CACNA2D3: variants seen among roughly 807,000 people sequenced by gnomAD.
The protein encoded by CACNA2D3 is voltage-dependent calcium channel subunit alpha-2/delta-3.
A neutral mutation model predicts 160.6 loss-of-function variants in CACNA2D3; 60 were observed. That is an observed-to-expected ratio of 0.37 (90% confidence interval 0.30 to 0.46). The LOEUF is 0.46. CACNA2D3 is among the 20% of genes least tolerant of loss of function. CACNA2D3 has a pLI of 1.00. For missense variants in CACNA2D3, 1,205 were observed against 1,365.0 expected (o/e 0.88, Z 1.85); for synonymous variants, 558 against 492.9 (o/e 1.13, Z -1.75).
chr3:54,416,351 C>T (rs1254023109), intron 4 of CACNA2D3, among the ~76,000 whole-genome samples: 2 of 152,082 alleles, frequency 1.3e-5, no homozygotes, highest in African/African-American at 2.4e-5. Flanking sequence ...ATTTTTGGAG[C>T]CCCCAATAGG....
At chr3:54,138,130 G>T (rs1699852990) in intron 2 of CACNA2D3, among the ~76,000 whole-genome samples, 1 of 152,226 alleles carries the variant, frequency 6.6e-6, no homozygotes, top group African/African-American at 2.4e-5. Flanking sequence ...GATGTGACTT[G>T]CCCAGGGCAA....
intron 17 of CACNA2D3, among the ~76,000 whole-genome samples, chr3:54,870,115 A>G (rs1481925249): frequency 1.3e-5 from 2 of 152,134 alleles, no homozygotes; most frequent in Non-Finnish European, 2.9e-5. Context: ...AATGCAGTTG[A>G]CAGGTAAGAA....
intron 13 of CACNA2D3, among the ~76,000 whole-genome samples, chr3:54,780,540 C>A (rs1228194872): frequency 1.3e-5 from 2 of 152,154 alleles, no homozygotes; most frequent in African/African-American, 2.4e-5. Context: ...TTTAGGTGAA[C>A]TCCAGAGAAA....
intron 35 of CACNA2D3, among the ~76,000 whole-genome samples, chr3:55,071,899 C>A (rs1176709319): frequency 6.6e-6 from 1 of 152,162 alleles, no homozygotes; most frequent in Non-Finnish European, 1.5e-5. Context: ...CTTTGAGACT[C>A]TGTTAACCTG....
chr3:55,045,490 T>C lies in CACNA2D3; in HGVS notation c.2987+27173T>C, dbSNP rs139568355. 3.4e-4 allele frequency among the ~76,000 whole-genome samples: 52 copies of C among 152,332 alleles called. No homozygotes were observed. The East Asian group carries it at 9.8e-3, about 29-fold the overall frequency. On this transcript the variant is annotated intron_variant, in intron 35 of 37. Coordinates refer to ENST00000474759, the MANE Select transcript of CACNA2D3 (RefSeq NM_018398.3). ...AAATCTGTACTACTTCTCCCTTAAA[T>C]GTTTAGTAGAATTCCCCAGTGAAGA...
chr3:54,360,613 G>A (rs1698725604), intron 3 of CACNA2D3, among the ~76,000 whole-genome samples: 1 of 152,160 alleles, frequency 6.6e-6, no homozygotes, highest in Non-Finnish European at 1.5e-5. Flanking sequence ...TCACGACCCA[G>A]TAGGAATCTG....
chr3:54,805,161 C>A (rs1703088564), intron 13 of CACNA2D3, among the ~76,000 whole-genome samples: 1 of 152,150 alleles, frequency 6.6e-6, no homozygotes, highest in Admixed American at 6.6e-5. Flanking sequence ...CAAGAGCAAA[C>A]ACATTCAAAA....
chr3:54,926,047 A>G (rs1178506643), intron 27 of CACNA2D3, among the ~76,000 whole-genome samples: 2 of 152,184 alleles, frequency 1.3e-5, no homozygotes, highest in Admixed American at 1.3e-4. Context: ...TTCAACTCAG[A>G]AGAGCAATGC....
intron 4 of CACNA2D3, among the ~76,000 whole-genome samples, chr3:54,443,063 A>G (rs1700168794): frequency 6.6e-6 from 1 of 152,214 alleles, no homozygotes; most frequent in Non-Finnish European, 1.5e-5. Flanking sequence ...TAAAGGTGTA[A>G]TGTACTGGAA....
chr3:54,414,217 T>C (rs1176558107), intron 4 of CACNA2D3, among the ~76,000 whole-genome samples: 1 of 151,998 alleles, frequency 6.6e-6, no homozygotes, highest in Non-Finnish European at 1.5e-5. Flanking sequence ...ACTTATTCAT[T>C]CCAAAAGAAC....
chr3:54,740,320 T>G (rs1456609131), intron 11 of CACNA2D3, among the ~76,000 whole-genome samples: 1 of 152,070 alleles, frequency 6.6e-6, no homozygotes, highest in African/African-American at 2.4e-5. Flanking sequence ...CTCTGGGGCT[T>G]CTCAAAAAGA....
chr3:55,074,079 A>G, intron 37 of CACNA2D3, 35 bp from the exon 38 acceptor site: 2 of 1,563,586 alleles, frequency 1.3e-6, no homozygotes, highest in South Asian at 2.2e-5. Context: ...CCTGGAGTCT[A>G]TTTCCGTCTA....
intron 4 of CACNA2D3, among the ~76,000 whole-genome samples, chr3:54,502,773 A>T (rs1451206801): frequency 6.6e-6 from 1 of 152,244 alleles, no homozygotes; most frequent in Non-Finnish European, 1.5e-5. Flanking sequence ...AATCCACCTC[A>T]TAACATTGTT....
chr3:54,813,305 A>T (rs1559592081), intron 13 of CACNA2D3, among the ~76,000 whole-genome samples: 1 of 152,160 alleles, frequency 6.6e-6, no homozygotes, highest in South Asian at 2.1e-4. Context: ...AATGCCTGAC[A>T]AGGTGGCTTT....
In CACNA2D3 at chr3:54,800,951, T is replaced by C. The variant is rs531611517; in HGVS notation, c.1381-15902T>C. ...TCATTCAGACCCTGGGAAAGGCTTATCCAGATAATCTGTATTTTAAAATTA... is the reference window on the plus strand; with the variant it reads ...TCATTCAGACCCTGGGAAAGGCTTACCCAGATAATCTGTATTTTAAAATTA... On this transcript the variant is annotated intron_variant, in intron 13 of 37. Transcript: ENST00000474759. 1.1e-4 allele frequency among the ~76,000 whole-genome samples: 16 copies of C among 152,148 alleles called. 1 individual carries two copies. The South Asian group carries it at 3.1e-3, about 30-fold the overall frequency.
intron 2 of CACNA2D3, among the ~76,000 whole-genome samples, chr3:54,285,706 C>T (rs769139877): frequency 1.1e-4 from 17 of 152,200 alleles, no homozygotes; most frequent in East Asian, 7.7e-4. Flanking sequence ...ACACATCACA[C>T]GGCCGGGAAC....
chr3:54,202,716 A>G (rs943249368), intron 2 of CACNA2D3, among the ~76,000 whole-genome samples: 1 of 152,218 alleles, frequency 6.6e-6, no homozygotes. Context: ...AAAAAAACCC[A>G]GGAAACTGGG....
At chr3:54,978,825 T>C (rs953088228) in intron 29 of CACNA2D3, among the ~76,000 whole-genome samples, 2 of 145,612 alleles carry the variant, frequency 1.4e-5, no homozygotes, top group Non-Finnish European at 3.0e-5. Context: ...TTGGCCTAAA[T>C]TACAGAAAAA....
chr3:54,140,738 G>C (rs1414875729), intron 2 of CACNA2D3, among the ~76,000 whole-genome samples: 1 of 152,204 alleles, frequency 6.6e-6, no homozygotes, highest in Admixed American at 6.5e-5. Flanking sequence ...GCCTCATCCA[G>C]AGAATGTTGG....
Sources: gnomAD v4.1 joint callset for allele counts (sites outside exome capture counted in the v4.1 genomes callset) on GRCh38, gnomAD v4.1.1 for gene constraint, MANE v1.5 for transcripts, NCBI Gene and HGNC (gene_info 2026-07-23, HGNC 2026-07-21) for gene names.